The following EYS variants were observed in gnomAD, a reference collection of about 807,000 sequenced individuals.
EYS encodes EGF-like photoreceptor maintenance factor.
Under a neutral mutation model 282.1 loss-of-function variants are expected in EYS, and 250 were observed. The observed-to-expected ratio is 0.89, with a 90% CI of 0.80 to 0.98. The LOEUF is 0.98. Among genes scored for constraint, EYS ranks in the 50% least tolerant of loss-of-function variants. The pLI, the probability that EYS is intolerant of heterozygous loss-of-function variation, is 0.00. For synonymous variants in EYS, 1,355 were observed against 1,282.9 expected, an observed-to-expected ratio of 1.06 and a Z score of -1.20; for missense variants, 4,016 against 3,709.0, an observed-to-expected ratio of 1.08 and a Z score of -2.15.
At chr6:63,844,033 G>A (rs1181326823) in intron 36 of EYS, among the ~76,000 whole-genome samples, 1 of 152,118 alleles carries the variant, frequency 6.6e-6, no homozygotes, top group East Asian at 1.9e-4. Flanking sequence ...AGGCCCCACT[G>A]TGTGTTGTTC....
intron 31 of EYS, among the ~76,000 whole-genome samples, chr6:64,221,718 G>A (rs970889936): frequency 3.9e-5 from 6 of 152,004 alleles, no homozygotes; most frequent in Non-Finnish European, 5.9e-5. Context: ...TCTGAGTACC[G>A]TGATGAAATC....
chr6:65,189,308 C>T (rs1562012798), intron 12 of EYS, among the ~76,000 whole-genome samples: 1 of 151,538 alleles, frequency 6.6e-6, no homozygotes, highest in Non-Finnish European at 1.5e-5. Flanking sequence ...CACTAGTATG[C>T]TGTTGATTAT....
intron 30 of EYS, among the ~76,000 whole-genome samples, chr6:64,302,276 T>C (rs1230518586): frequency 6.6e-6 from 1 of 152,142 alleles, no homozygotes; most frequent in African/African-American, 2.4e-5. Flanking sequence ...CTAAACAAAG[T>C]ATCCTGCAAT....
chr6:64,816,267 A>G (rs1409866096), intron 21 of EYS, among the ~76,000 whole-genome samples: 4 of 152,118 alleles, frequency 2.6e-5, no homozygotes, highest in African/African-American at 9.7e-5. Context: ...CCAGTTCTGA[A>G]TAAAAACTGC....
At chr6:65,052,857 C>T (rs181563239) in intron 13 of EYS, among the ~76,000 whole-genome samples, 5 of 151,744 alleles carry the variant, frequency 3.3e-5, no homozygotes, top group Non-Finnish European at 5.9e-5. Context: ...CAACCACTTA[C>T]GCCAGTGGAT....
At position 64,170,775 on chromosome 6, in the gene EYS, T is replaced by A. The variant is rs557699768; in HGVS notation, c.6424+59817A>T. On this transcript the variant is annotated intron_variant, in intron 31 of 42. Transcript: ENST00000503581. ...TTTTTAAATTATACAGTTCAACCCA[T>A]AAGAATAAATGATAATACAAATAAT... is the stretch of plus-strand genomic sequence containing the variant. Among the ~76,000 whole-genome samples, 3 of 151,990 alleles carry A rather than the reference T, an allele frequency of 2.0e-5. No homozygotes were observed. In the South Asian group the frequency reaches 6.2e-4, roughly 32 times the overall value.
At chr6:64,947,122 G>T (rs979016453) in intron 14 of EYS, among the ~76,000 whole-genome samples, 7 of 151,766 alleles carry the variant, frequency 4.6e-5, no homozygotes, top group African/African-American at 1.7e-4. Context: ...ATCCTGTACA[G>T]ATCTAGCACC....
At chr6:64,471,211 C>G (rs1457047726) in intron 26 of EYS, among the ~76,000 whole-genome samples, 1 of 152,112 alleles carries the variant, frequency 6.6e-6, no homozygotes, top group African/African-American at 2.4e-5. Flanking sequence ...GTTCCTTACT[C>G]TTATTTAACA....
At chr6:64,007,105 G>T (rs1768385277) in intron 33 of EYS, among the ~76,000 whole-genome samples, 1 of 152,198 alleles carries the variant, frequency 6.6e-6, no homozygotes, top group Non-Finnish European at 1.5e-5. Context: ...GATATAATTT[G>T]TCTGTGAATC....
At chr6:64,399,056 T>C (rs1340285989) in intron 28 of EYS, among the ~76,000 whole-genome samples, 1 of 151,864 alleles carries the variant, frequency 6.6e-6, no homozygotes. Flanking sequence ...ATTTAATGTT[T>C]GGAAAAAGTT....
rs184124232 is a variant in EYS, at chr6:65,639,140, G to T, written c.-333+638C>A. 3.3e-4 allele frequency among the ~76,000 whole-genome samples: 50 copies of T among 152,196 alleles called. 1 individual carries two copies. The East Asian group carries it at 8.9e-3, about 27-fold the overall frequency. Reference sequence around the variant, plus strand: ...TTAGTTGCCAAATCTAAGAGAAAAAGTAAATAAGCTCATAATAAAATACAG... The same window carrying T: ...TTAGTTGCCAAATCTAAGAGAAAAATTAAATAAGCTCATAATAAAATACAG... On this transcript the variant is annotated intron_variant, in intron 2 of 42. Transcript: ENST00000503581.
At chr6:65,133,453 G>A (rs981704988) in intron 12 of EYS, among the ~76,000 whole-genome samples, 3 of 152,058 alleles carry the variant, frequency 2.0e-5, no homozygotes, top group African/African-American at 7.2e-5. Context: ...AAAGACTAGG[G>A]AGCTCATCAG....
intron 1 of EYS, among the ~76,000 whole-genome samples, chr6:65,699,869 C>T (rs1323999896): frequency 6.6e-6 from 1 of 151,716 alleles, no homozygotes; most frequent in Non-Finnish European, 1.5e-5. Context: ...AATCCCAGCA[C>T]TTTGGGAGGC....
Position 63,782,482 on chromosome 6 carries a change from G to A in EYS, c.7724-4302C>T, listed in dbSNP as rs556523425. On this transcript the variant is annotated intron_variant, in intron 39 of 42. Coordinates refer to ENST00000503581, the MANE Select transcript of EYS (RefSeq NM_001142800.2). ...CTTCTTCCTGCTTTAGTCTTGGGAG[G>A]ATATATGTGTCCAGGAATTTATCCA... Among the ~76,000 whole-genome samples, 23 of 152,240 alleles carry A rather than the reference G, an allele frequency of 1.5e-4. No homozygotes were observed. The South Asian group carries it at 4.8e-3, about 32-fold the overall frequency.
intron 11 of EYS, among the ~76,000 whole-genome samples, chr6:65,321,683 A>G (rs1263195159): frequency 2.6e-5 from 4 of 152,208 alleles, no homozygotes; most frequent in Non-Finnish European, 5.9e-5. Context: ...TGCCCAGTCT[A>G]AAATGAGGCT....
At chr6:64,089,151 G>T (rs1236258477) in intron 31 of EYS, among the ~76,000 whole-genome samples, 1 of 151,734 alleles carries the variant, frequency 6.6e-6, no homozygotes, top group African/African-American at 2.4e-5. Flanking sequence ...TGACTGAAAT[G>T]ATGCAATTAT....
At chr6:65,619,029 G>T (rs1365646612) in intron 2 of EYS, among the ~76,000 whole-genome samples, 15 of 152,058 alleles carry the variant, frequency 9.9e-5, no homozygotes, top group African/African-American at 3.4e-4. Context: ...TTGACTTGGC[G>T]ATGCGGGCTC....
At chr6:63,897,723 G>A (rs982398053) in intron 35 of EYS, among the ~76,000 whole-genome samples, 4 of 152,214 alleles carry the variant, frequency 2.6e-5, no homozygotes, top group African/African-American at 9.7e-5. Context: ...CTGTGTTTCT[G>A]CACTGGGCCA....
chr6:63,883,675 A>G (rs557557690), intron 35 of EYS, among the ~76,000 whole-genome samples: 105 of 152,268 alleles, frequency 6.9e-4, no homozygotes, highest in African/African-American at 2.5e-3. Context: ...ACTGCCTCCA[A>G]TAAATTGCTT....
Sources: gnomAD v4.1 joint callset for allele counts (sites outside exome capture counted in the v4.1 genomes callset) on GRCh38, gnomAD v4.1.1 for gene constraint, MANE v1.5 for transcripts, NCBI Gene and HGNC (gene_info 2026-07-23, HGNC 2026-07-21) for gene names.